The following ZNF148 variants were observed in gnomAD, a reference collection of about 807,000 sequenced individuals.
ZNF148 encodes the protein zinc finger protein 148.
A neutral mutation model predicts 67.7 loss-of-function variants in ZNF148; 7 were observed. That is an observed-to-expected ratio of 0.10 (90% confidence interval 0.06 to 0.19). The LOEUF (loss-of-function observed/expected upper bound fraction) is 0.19, where lower values mean the gene tolerates loss of function less well. Among genes scored for constraint, ZNF148 ranks in the 10% least tolerant of loss-of-function variants. The pLI is 1.00. For missense variants in ZNF148, 583 were observed against 947.1 expected, an observed-to-expected ratio of 0.62 and a Z score of 5.05; for synonymous variants, 333 against 330.7, an observed-to-expected ratio of 1.01 and a Z score of -0.08.
At chr3:125,247,269 A>T (rs1936642311) in intron 7 of ZNF148, among the ~76,000 whole-genome samples, 1 of 152,172 alleles carries the variant, frequency 6.6e-6, no homozygotes, top group Admixed American at 6.5e-5. Flanking sequence ...CATTTTGTAA[A>T]ATAACAGATT....
At chr3:125,361,095 T>C (rs1224355508) in intron 1 of ZNF148, among the ~76,000 whole-genome samples, 1 of 152,062 alleles carries the variant, frequency 6.6e-6, no homozygotes, top group Non-Finnish European at 1.5e-5. Context: ...TTTTTCTCAA[T>C]TCCCGTGGCT....
intron 1 of ZNF148, among the ~76,000 whole-genome samples, chr3:125,331,479 C>T (rs1367230435): frequency 6.6e-6 from 1 of 152,184 alleles, no homozygotes; most frequent in African/African-American, 2.4e-5. Context: ...CTTTTTCAAA[C>T]TTAACTTCCA....
At chr3:125,242,545 T>C (rs1366670536) in intron 7 of ZNF148, among the ~76,000 whole-genome samples, 1 of 152,110 alleles carries the variant, frequency 6.6e-6, no homozygotes, top group Non-Finnish European at 1.5e-5. Flanking sequence ...TGCTTGAATC[T>C]GGTGTCGGGG....
intron 1 of ZNF148, among the ~76,000 whole-genome samples, chr3:125,373,842 G>A (rs766153417): frequency 6.6e-5 from 10 of 152,162 alleles, no homozygotes; most frequent in African/African-American, 1.2e-4. Context: ...AGCTACAAAT[G>A]AAGTATCTAA....
At chr3:125,335,608 T>C (rs1257454810) in intron 1 of ZNF148, among the ~76,000 whole-genome samples, 14 of 152,222 alleles carry the variant, frequency 9.2e-5, no homozygotes, top group Admixed American at 9.2e-4. Flanking sequence ...GTTAGTCCAA[T>C]CTAACTTAAT....
intron 1 of ZNF148, among the ~76,000 whole-genome samples, chr3:125,333,893 T>C (rs1343533982): frequency 6.6e-6 from 1 of 152,226 alleles, no homozygotes; most frequent in Admixed American, 6.5e-5. Flanking sequence ...ATCAAACCAC[T>C]GTTAAGTAGG....
intron 5 of ZNF148, among the ~76,000 whole-genome samples, chr3:125,282,321 C>T (rs893302384): frequency 6.6e-6 from 1 of 152,144 alleles, no homozygotes; most frequent in African/African-American, 2.4e-5. Context: ...GCAGTCTTAC[C>T]TGCAACTGGT....
chr3:125,320,615 G>A (rs1315889102), intron 3 of ZNF148, among the ~76,000 whole-genome samples: 3 of 152,104 alleles, frequency 2.0e-5, no homozygotes, highest in Non-Finnish European at 2.9e-5. Context: ...AATCATCATC[G>A]TCTTTTGTAT....
chr3:125,291,007 T>C (rs1244706333), intron 4 of ZNF148, among the ~76,000 whole-genome samples: 2 of 152,154 alleles, frequency 1.3e-5, no homozygotes, highest in African/African-American at 2.4e-5. Flanking sequence ...TAATAAGCGA[T>C]GTAACAAATA....
intron 1 of ZNF148, among the ~76,000 whole-genome samples, chr3:125,340,190 A>G (rs774073106): frequency 6.6e-6 from 1 of 152,200 alleles, no homozygotes; most frequent in Admixed American, 6.5e-5. Flanking sequence ...CCAACCACCA[A>G]TCTAGCAACA....
chr3:125,311,168 G>A lies in ZNF148; in HGVS notation c.333+2140C>T, dbSNP rs145145280. On this transcript the variant is annotated intron_variant, in intron 4 of 8. Transcript: ENST00000360647. ...TTAGCTGCAAAACACTTTATTGATA[G>A]ATGAAGATTACTGAGGAAATGTTGG... is the stretch of plus-strand genomic sequence containing the variant. 233 of 172,122 alleles carry A rather than the reference G, an allele frequency of 1.4e-3. 2 individuals are homozygous for A. Among genetic ancestry groups the A allele is most frequent in the African/African-American group, 5.0e-3 (210 of 42,082 alleles). 10.7% of individuals were successfully genotyped at this position (172,122 alleles called of 1,614,324 possible).
chr3:125,334,030 AT>A (rs1340357493), intron 1 of ZNF148, among the ~76,000 whole-genome samples: 1 of 152,194 alleles, frequency 6.6e-6, no homozygotes, highest in Non-Finnish European at 1.5e-5. Context: ...AAGACTTTTC[AT>A]TTTACATGGT....
intron 3 of ZNF148, among the ~76,000 whole-genome samples, chr3:125,321,118 ACATT>A (rs774902810): frequency 6.6e-6 from 1 of 152,170 alleles, no homozygotes; most frequent in Non-Finnish European, 1.5e-5. Flanking sequence ...TTGTCTAAGT[ACATT>A]CAAAGACCTC....
chr3:125,328,612 C>G (rs1941133045), intron 2 of ZNF148, among the ~76,000 whole-genome samples: 1 of 150,320 alleles, frequency 6.7e-6, no homozygotes, highest in African/African-American at 2.4e-5. Context: ...AACATTATAC[C>G]CTCATAAGTA....
intron 7 of ZNF148, among the ~76,000 whole-genome samples, chr3:125,270,568 C>T (rs959832206): frequency 2.6e-5 from 4 of 151,994 alleles, no homozygotes; most frequent in Non-Finnish European, 4.4e-5. Flanking sequence ...TTCAGGGGGC[C>T]CTACATTAAA....
At position 125,350,477 on chromosome 3, in the gene ZNF148, G is replaced by A. The variant is rs543932852; in HGVS notation, c.-233-19239C>T. On this transcript the variant is annotated intron_variant, in intron 1 of 8. Transcript: ENST00000360647. ...TGAGCCACCACCATGGATTTTTGAG[G>A]AAATATTTGCACTCATGTTAACTAC... Among the ~76,000 whole-genome samples the A allele has an allele frequency of 4.6e-5, 7 of 152,238 alleles. No individual in the cohort carries two copies. The East Asian group carries it at 1.4e-3, about 29-fold the overall frequency.
Position 125,317,662 on chromosome 3 carries a change from T to TATATATATAGAGAGAGAGAGAGAG in ZNF148, c.-16-4007_-16-4006insCTCTCTCTCTCTCTCTATATATAT, listed in dbSNP as rs752542874. ...GATCTTTTATATATATATATATATA[T>TATATATATAGAGAGAGAGAGAGAG]AGAGAGAGAGAGAGAGAAATACATA... On this transcript the variant is annotated intron_variant, in intron 3 of 8. Coordinates refer to ENST00000360647, the MANE Select transcript of ZNF148 (RefSeq NM_021964.3). Among the ~76,000 whole-genome samples the TATATATATAGAGAGAGAGAGAGAG allele has an allele frequency of 7.4e-3, 667 of 89,916 alleles. 8 individuals are homozygous for TATATATATAGAGAGAGAGAGAGAG. Among genetic ancestry groups the TATATATATAGAGAGAGAGAGAGAG allele is most frequent in the Non-Finnish European group, 8.3e-3 (379 of 45,808 alleles). The allele number at this position is 89,916 out of a possible 152,430, so 59.0% of individuals were successfully genotyped here.
chr3:125,304,422 C>CT (rs1939765346), intron 4 of ZNF148, among the ~76,000 whole-genome samples: 1 of 152,060 alleles, frequency 6.6e-6, no homozygotes, highest in Non-Finnish European at 1.5e-5. Context: ...AGGGGGTCTG[C>CT]TTGGTGCTAA....
rs912678613 is a variant in ZNF148, at chr3:125,228,527, T to C, written c.*3814A>G. 6.6e-6 allele frequency: 1 copy of C among 152,658 alleles called. No homozygotes were observed. Among genetic ancestry groups the C allele is most frequent in the African/African-American group, 2.4e-5 (1 of 41,464 alleles). The allele number at this position is 152,658 out of a possible 1,614,324, so 9.5% of individuals were successfully genotyped here. Reference sequence around the variant, plus strand: ...GCTACTTGTAAAGTTAGCACTGCTATGTATTATTGCTTACATACAGTACAA... The same window carrying C: ...GCTACTTGTAAAGTTAGCACTGCTACGTATTATTGCTTACATACAGTACAA... On this transcript the variant is annotated 3_prime_UTR_variant, in exon 9 of 9. Transcript: ENST00000360647.
Sources: gnomAD v4.1 joint callset for allele counts (sites outside exome capture counted in the v4.1 genomes callset) on GRCh38, gnomAD v4.1.1 for gene constraint, MANE v1.5 for transcripts, NCBI Gene and HGNC (gene_info 2026-07-23, HGNC 2026-07-21) for gene names.